Variants in AGBL4 observed in about 807,000 individuals in gnomAD.
The protein encoded by AGBL4 is AGBL carboxypeptidase 4.
In AGBL4, 58 loss-of-function variants were observed where a neutral mutation model predicts 66.4. That is an observed-to-expected ratio of 0.87 (90% CI 0.71 to 1.09). The LOEUF (loss-of-function observed/expected upper bound fraction) is 1.09. AGBL4 is among the 50% of genes least tolerant of loss of function. AGBL4 has a pLI of 0.00. For synonymous variants in AGBL4, 234 were observed against 222.9 expected, an observed-to-expected ratio of 1.05 and a Z score of -0.44; for missense variants, 579 against 631.0, an observed-to-expected ratio of 0.92 and a Z score of 0.88.
intron 6 of AGBL4, among the ~76,000 whole-genome samples, chr1:48,748,131 C>G (rs1398932991): frequency 1.3e-5 from 2 of 152,100 alleles, no homozygotes; most frequent in African/African-American, 4.8e-5. Flanking sequence ...CGAGAAGTAC[C>G]TGGGCAGGGG....
chr1:49,169,912 A>G (rs961380185), intron 4 of AGBL4, among the ~76,000 whole-genome samples: 1 of 152,116 alleles, frequency 6.6e-6, no homozygotes, highest in Non-Finnish European at 1.5e-5. Flanking sequence ...TTTCTCACTT[A>G]TAAGTGGGAG....
At chr1:48,934,688 T>A (rs1284283946) in intron 5 of AGBL4, among the ~76,000 whole-genome samples, 1 of 152,152 alleles carries the variant, frequency 6.6e-6, no homozygotes, top group Non-Finnish European at 1.5e-5. Flanking sequence ...CTCTGAGATT[T>A]TAATTACCCT....
intron 1 of AGBL4, among the ~76,000 whole-genome samples, chr1:50,010,849 T>C (rs1234127312): frequency 1.3e-5 from 2 of 152,046 alleles, no homozygotes; most frequent in African/African-American, 4.8e-5. Context: ...ATCTAAGAAA[T>C]CAAACTATAA....
At position 49,679,316 on chromosome 1, in the gene AGBL4, G is replaced by A. The variant is rs116897672; in HGVS notation, c.282+17997C>T. 7.0e-4 allele frequency among the ~76,000 whole-genome samples: 107 copies of A among 151,882 alleles called. 2 individuals carry two copies. The East Asian group carries it at 0.019, about 27-fold the overall frequency. ...TTCTCTGTCTCTGATAATTTTCTTT[G>A]TTCTACTTATTTGATATGCATATAT... On this transcript the variant is annotated intron_variant, in intron 3 of 13. Transcript: ENST00000371839.
At chr1:48,893,741 T>C (rs1651227585) in intron 5 of AGBL4, among the ~76,000 whole-genome samples, 1 of 151,786 alleles carries the variant, frequency 6.6e-6, no homozygotes, top group Non-Finnish European at 1.5e-5. Flanking sequence ...TGGGTAGCTC[T>C]CTTTCTACCA....
intron 11 of AGBL4, among the ~76,000 whole-genome samples, chr1:48,581,330 C>T (rs1265554072): frequency 6.6e-6 from 1 of 152,178 alleles, no homozygotes; most frequent in Non-Finnish European, 1.5e-5. Flanking sequence ...TTGACCACAT[C>T]AGCCATACCC....
chr1:49,780,129 T>C (rs1410674031), intron 2 of AGBL4, among the ~76,000 whole-genome samples: 3 of 152,148 alleles, frequency 2.0e-5, no homozygotes, highest in Admixed American at 6.5e-5. Context: ...GTTATTTAAC[T>C]TCCTTTAACA....
intron 3 of AGBL4, among the ~76,000 whole-genome samples, chr1:49,327,977 A>G (rs1645258490): frequency 1.3e-5 from 2 of 152,264 alleles, no homozygotes; most frequent in East Asian, 3.9e-4. Flanking sequence ...AAAAAAAGAG[A>G]CATTTCCGTT....
intron 1 of AGBL4, among the ~76,000 whole-genome samples, chr1:49,952,695 C>A (rs1011044119): frequency 4.0e-5 from 6 of 151,782 alleles, no homozygotes; most frequent in African/African-American, 1.5e-4. Context: ...TTGTCTCAGT[C>A]AAAAAGACTG....
intron 3 of AGBL4, among the ~76,000 whole-genome samples, chr1:49,503,546 T>C (rs1648389158): frequency 6.6e-6 from 1 of 152,084 alleles, no homozygotes; most frequent in Non-Finnish European, 1.5e-5. Context: ...CACCAGTCTG[T>C]GAAAGCAGCC....
intron 8 of AGBL4, among the ~76,000 whole-genome samples, chr1:48,641,393 T>A (rs1645752858): frequency 6.6e-6 from 1 of 152,028 alleles, no homozygotes; most frequent in Non-Finnish European, 1.5e-5. Context: ...CCACTTCCCA[T>A]CACCACCACC....
At chr1:48,747,856 T>C (rs1651009043) in intron 6 of AGBL4, among the ~76,000 whole-genome samples, 2 of 152,260 alleles carry the variant, frequency 1.3e-5, no homozygotes, top group Non-Finnish European at 2.9e-5. Context: ...TGTATGTGTT[T>C]GGACACTAAA....
At chr1:48,651,974 A>C (rs1645937555) in intron 8 of AGBL4, among the ~76,000 whole-genome samples, 1 of 152,204 alleles carries the variant, frequency 6.6e-6, no homozygotes, top group East Asian at 1.9e-4. Flanking sequence ...AAAGGCCATT[A>C]AGGTTCAGTC....
At chr1:48,671,784 C>T (rs1570202958) in intron 6 of AGBL4, among the ~76,000 whole-genome samples, 1 of 152,186 alleles carries the variant, frequency 6.6e-6, no homozygotes, top group African/African-American at 2.4e-5. Context: ...AATTTGTATT[C>T]CCAGTGCCTG....
intron 3 of AGBL4, among the ~76,000 whole-genome samples, chr1:49,405,022 C>T (rs923919481): frequency 2.0e-5 from 3 of 152,158 alleles, no homozygotes; most frequent in African/African-American, 4.8e-5. Flanking sequence ...CCTTCAGATT[C>T]CACTGGGTGC....
chr1:48,858,323 C>T (rs919260253), intron 6 of AGBL4, among the ~76,000 whole-genome samples: 1 of 152,172 alleles, frequency 6.6e-6, no homozygotes, highest in Admixed American at 6.5e-5. Context: ...CAATTCCATT[C>T]CTAGGTACAT....
chr1:48,895,505 G>A (rs1459778737), intron 5 of AGBL4, among the ~76,000 whole-genome samples: 20 of 152,210 alleles, frequency 1.3e-4, no homozygotes, highest in Admixed American at 1.3e-3. Context: ...TTTCTGGAAT[G>A]GAAATCTTTC....
chr1:49,723,553 A>G (rs931150686), intron 2 of AGBL4, among the ~76,000 whole-genome samples: 4 of 152,140 alleles, frequency 2.6e-5, no homozygotes, highest in Non-Finnish European at 5.9e-5. Flanking sequence ...CAATCTTGGC[A>G]CATTTCCTCA....
intron 4 of AGBL4, chr1:49,175,042 C>G (rs1302403873): frequency 1.3e-5 from 2 of 152,012 alleles, no homozygotes. Context: ...AACCAAAAAT[C>G]ATGGTTTTGA....
Sources: gnomAD v4.1 joint callset for allele counts (sites outside exome capture counted in the v4.1 genomes callset) on GRCh38, gnomAD v4.1.1 for gene constraint, MANE v1.5 for transcripts, NCBI Gene and HGNC (gene_info 2026-07-23, HGNC 2026-07-21) for gene names.